PHEX: variants seen among roughly 807,000 people sequenced by gnomAD.
PHEX encodes the protein phosphate-regulating neutral endopeptidase PHEX.
PHEX carries 16 observed loss-of-function variants against 68.0 expected under a neutral mutation model. The ratio of observed to expected loss-of-function variants is 0.24; its 90% CI spans 0.16 to 0.36. The LOEUF (loss-of-function observed/expected upper bound fraction) is 0.36, where lower values mean the gene tolerates loss of function less well. PHEX is among the 10% of genes least tolerant of loss of function. PHEX has a pLI of 1.00. For synonymous variants in PHEX, 208 were observed against 205.1 expected (o/e 1.01, Z -0.12); for missense variants, 480 against 575.5 (o/e 0.83, Z 1.70).
chrX:22,225,499 A>G (rs754902815), intron 18 of PHEX, among the ~76,000 whole-genome samples: 65 of 111,699 alleles, frequency 5.8e-4, no homozygotes, highest in African/African-American at 2.0e-3. Context: ...GTAAAGGGCC[A>G]GATAGTAAAG....
intron 11 of PHEX, among the ~76,000 whole-genome samples, chrX:22,121,059 A>G (rs1181950136): frequency 8.9e-6 from 1 of 112,141 alleles, no homozygotes; most frequent in Non-Finnish European, 1.9e-5. Context: ...CATCTCTGCC[A>G]GTAGGTATTT....
chrX:22,059,376 C>A (rs1404362165), intron 3 of PHEX, among the ~76,000 whole-genome samples: 1 of 112,282 alleles, frequency 8.9e-6, no homozygotes, highest in African/African-American at 3.2e-5. Context: ...TTGCAGGTAT[C>A]TTGAAATGTT....
rs1423583181 is a variant in PHEX at position 22,090,487 on chromosome X, A to G, written c.722A>G (p.Glu241Gly). ...VREDYLDNST[E>G]AKSYRDALYK... ...GAAGACTACCTTGATAACAGTACAG[A>G]AGCCAAGTCTGTAAGTTTTACTCAT... The change falls in exon 6 of 22, where the codon GAA (glutamate) becomes GGA (glycine). Residue 241 changes from glutamate to glycine, a missense_variant. Transcript: ENST00000379374. 1 of 1,193,591 alleles carries G rather than the reference A, an allele frequency of 8.4e-7. No homozygotes were observed. Among genetic ancestry groups the G allele is most frequent in the Non-Finnish European group, 1.1e-6 (1 of 879,948 alleles).
At chrX:22,076,976 C>T (rs1929178930) in intron 4 of PHEX, among the ~76,000 whole-genome samples, 1 of 112,259 alleles carries the variant, frequency 8.9e-6, no homozygotes, top group African/African-American at 3.2e-5. Context: ...GGTCTGCCTT[C>T]TCAAGCCCAC....
In PHEX at chrX:22,032,697, G is replaced by A. The variant is rs1277384992; in HGVS notation, c.-309G>A. 2 of 301,380 alleles carry A rather than the reference G, an allele frequency of 6.6e-6. No individual in the cohort carries two copies. The highest frequency in any genetic ancestry group is 6.8e-5 in the East Asian group (1 of 14,634). The allele number at this position is 301,380 out of a possible 1,213,427, so 24.8% of individuals were successfully genotyped here. ...GCAACATAGTAAAACATATATACTCGGAACGCTTGAGAGAAGAGCCTGCCA... is the reference window on the plus strand; with the variant it reads ...GCAACATAGTAAAACATATATACTCAGAACGCTTGAGAGAAGAGCCTGCCA... On this transcript the variant is annotated 5_prime_UTR_variant, in exon 1 of 22. Coordinates refer to ENST00000379374, the MANE Select transcript of PHEX (RefSeq NM_000444.6).
At chrX:22,185,163 T>C (rs1053479037) in intron 14 of PHEX, among the ~76,000 whole-genome samples, 81 of 112,288 alleles carry the variant, frequency 7.2e-4, no homozygotes, top group Non-Finnish European at 7.1e-4. Flanking sequence ...GAAATTTCTA[T>C]GAGACCTCTC....
chrX:22,180,051 G>A (rs1341926184), intron 14 of PHEX, among the ~76,000 whole-genome samples: 2 of 107,827 alleles, frequency 1.9e-5, no homozygotes, highest in African/African-American at 6.8e-5. Flanking sequence ...TTATACTGCC[G>A]AATAGATCTT....
At chrX:22,215,505 G>A (rs1186249582) in intron 16 of PHEX, among the ~76,000 whole-genome samples, 1 of 111,482 alleles carries the variant, frequency 9.0e-6, no homozygotes, top group East Asian at 2.8e-4. Flanking sequence ...GTTTCCAGAA[G>A]AGAGAATCAG....
intron 3 of PHEX, among the ~76,000 whole-genome samples, chrX:22,062,137 C>T (rs1024742039): frequency 1.8e-5 from 2 of 111,519 alleles, no homozygotes; most frequent in African/African-American, 6.5e-5. Flanking sequence ...TCCCTCAACA[C>T]GTGGGGATTA....
chrX:22,099,466 A>T, intron 9 of PHEX: 1 of 225,755 alleles, frequency 4.4e-6, no homozygotes. Flanking sequence ...GTCTGTGTGA[A>T]CATCTTTTTT....
intron 2 of PHEX, 102 bp downstream of exon 2, chrX:22,038,639 T>G: frequency 2.1e-5 from 13 of 609,225 alleles, no homozygotes; most frequent in Non-Finnish European, 3.1e-5. Context: ...TGCTTGAGGT[T>G]TACCAAGTAC....
At chrX:22,117,687 C>T (rs1307017352) in intron 11 of PHEX, among the ~76,000 whole-genome samples, 2 of 110,744 alleles carry the variant, frequency 1.8e-5, no homozygotes, top group African/African-American at 6.6e-5. Flanking sequence ...TGTGAAAGTC[C>T]CTTTTCCTTG....
chrX:22,185,425 C>T (rs73446723), intron 14 of PHEX, among the ~76,000 whole-genome samples: 5,330 of 111,741 alleles, frequency 0.048, 307 homozygotes, highest in African/African-American at 0.16. Flanking sequence ...CCTTCAGGGG[C>T]CAGTCAGTTA....
chrX:22,075,936 G>C (rs1221503837), intron 3 of PHEX, among the ~76,000 whole-genome samples: 1 of 111,923 alleles, frequency 8.9e-6, no homozygotes, highest in Non-Finnish European at 1.9e-5. Flanking sequence ...AATTTCTTCC[G>C]GGTGACCTCC....
intron 11 of PHEX, among the ~76,000 whole-genome samples, chrX:22,130,278 G>A (rs944978671): frequency 1.8e-5 from 2 of 111,627 alleles, no homozygotes; most frequent in African/African-American, 3.3e-5. Context: ...GGTGGCTCAC[G>A]CCTGTAATCC....
intron 3 of PHEX, among the ~76,000 whole-genome samples, chrX:22,049,214 G>A (rs112438575): frequency 0.022 from 2,402 of 111,295 alleles, 65 homozygotes; most frequent in African/African-American, 0.073. Flanking sequence ...GTTCAAACGA[G>A]CGATTCTCCT....
intron 20 of PHEX, among the ~76,000 whole-genome samples, chrX:22,241,971 C>T (rs1270437341): frequency 9.0e-6 from 1 of 111,114 alleles, no homozygotes; most frequent in East Asian, 2.8e-4. Context: ...AGAGACACAA[C>T]AAAAAAAGAG....
intron 12 of PHEX, among the ~76,000 whole-genome samples, chrX:22,162,408 C>A (rs961769672): frequency 8.9e-6 from 1 of 112,101 alleles, no homozygotes; most frequent in Non-Finnish European, 1.9e-5. Context: ...GACATTATTT[C>A]TCAGGGGTTT....
chrX:22,111,678 G>T, intron 10 of PHEX, 118 bp downstream of exon 10: 1 of 572,999 alleles, frequency 1.7e-6, no homozygotes, highest in East Asian at 3.4e-5. Context: ...GGAGTTTGTA[G>T]CCCAAGCTCT....
Sources: gnomAD v4.1 joint callset for allele counts (sites outside exome capture counted in the v4.1 genomes callset) on GRCh38, gnomAD v4.1.1 for gene constraint, MANE v1.5 for transcripts, NCBI Gene and HGNC (gene_info 2026-07-23, HGNC 2026-07-21) for gene names.